Variants in CAD observed in about 807,000 individuals in gnomAD.
CAD encodes the protein multifunctional protein CAD.
In CAD, 81 loss-of-function variants were observed where a neutral mutation model predicts 237.2. That is an observed-to-expected ratio of 0.34 (90% CI 0.29 to 0.41). CAD has a LOEUF of 0.41. Ranked by LOEUF, CAD falls within the 10% of genes least tolerant of loss-of-function variation. The pLI is 1.00. For missense variants in CAD, 2,181 were observed against 2,951.7 expected, an observed-to-expected ratio of 0.74 and a Z score of 6.05; for synonymous variants, 1,196 against 1,162.8, an observed-to-expected ratio of 1.03 and a Z score of -0.58.
At chr2:27,225,303 CTTTTT>C (rs1221617250) in intron 11 of CAD, 60 bp downstream of exon 11, 484 of 540,978 alleles carry the variant, frequency 8.9e-4, no homozygotes, top group East Asian at 1.1e-3. Context: ...GTGTTATTTT[CTTTTT>C]TTTTTTTTTT....
rs1311086865 is a variant in CAD at position 27,225,051 on chromosome 2, T to C, written c.1428T>C (p.Phe476=). 3.1e-6 allele frequency: 5 copies of C among 1,612,628 alleles called. No individual in the cohort carries two copies. The highest frequency in any genetic ancestry group is 4.2e-6 in the Non-Finnish European group (5 of 1,178,880). Residue 476 remains phenylalanine, a synonymous_variant, in exon 11 of 44, where the codon TTT becomes TTC. Transcript: ENST00000264705. ...GCCCCGATGGTGTGTTACTGACTTTTGGGGGCCAGACTGCTCTGAACTGTG... is the reference window on the plus strand; with the variant it reads ...GCCCCGATGGTGTGTTACTGACTTTCGGGGGCCAGACTGCTCTGAACTGTG... ...NERPDGVLLT[F]GGQTALNCGV...
In CAD at chr2:27,224,998, C is replaced by G; in HGVS notation, c.1387-12C>G. On this transcript the variant is annotated splice_polypyrimidine_tract_variant and intron_variant, in intron 10 of 43. Coordinates refer to ENST00000264705, the MANE Select transcript of CAD (RefSeq NM_004341.5). ...AGGTTCTGATGCCTGTAACTCCCCT[C>G]TCCATCCTCAGGTGATACGTAATGA... 6.2e-7 allele frequency: 1 copy of G among 1,607,544 alleles called. No homozygotes were observed. Among genetic ancestry groups the G allele is most frequent in the Non-Finnish European group, 8.5e-7 (1 of 1,174,552 alleles).
At chr2:27,228,427 C>T (rs560482821) in intron 15 of CAD, among the ~76,000 whole-genome samples, 1 of 152,294 alleles carries the variant, frequency 6.6e-6, no homozygotes, top group East Asian at 1.9e-4. Flanking sequence ...TTATCCAAAA[C>T]AGAAAACATC....
In CAD at chr2:27,239,073, C is replaced by T. The variant is rs775749163; in HGVS notation, c.5094C>T (p.Ser1698=). 1 of 1,590,538 alleles carries T rather than the reference C, an allele frequency of 6.3e-7. No homozygotes were observed. Among genetic ancestry groups the T allele is most frequent in the South Asian group, 1.2e-5 (1 of 86,914 alleles). Residue 1698 remains serine (S), a synonymous_variant, in exon 32 of 44, where the codon TCC becomes TCT. Coordinates refer to ENST00000264705, the MANE Select transcript of CAD (RefSeq NM_004341.5). This position sits in a 1 kb window ranked among gnomAD's most constrained non-coding sequence, Gnocchi z 4.0. The part of the protein sequence containing the change: ...APHTLEEKCG[S]RPPPGFPGLE... Reference sequence around the variant, plus strand: ...ATACCTTGGAGGAGAAGTGTGGGTCCAGGCCCCCACCTGGGTTCCCAGGGT... The same window carrying T: ...ATACCTTGGAGGAGAAGTGTGGGTCTAGGCCCCCACCTGGGTTCCCAGGGT...
Position 27,222,325 on chromosome 2 carries a change from G to C in CAD, c.484G>C (p.Val162Leu). 6.2e-7 allele frequency: 1 copy of C among 1,612,308 alleles called. No homozygotes were observed. Among genetic ancestry groups the C allele is most frequent in the East Asian group, 2.2e-5 (1 of 44,806 alleles). The change falls in exon 4 of 44, where the codon GTC becomes CTC. Residue 162 changes from valine (V) to leucine (L), a missense_variant. Around this residue, in one of 12 missense-constraint regions of CAD, gnomAD observed 314 missense variants for 339.4 expected, o/e 0.93. Coordinates refer to ENST00000264705, the MANE Select transcript of CAD (RefSeq NM_004341.5). ...CAATGCCCGCCCCCTGGTACCAGAG[G>C]TCTCCATTAAGGTACAGAGGTAGAG... ...DPNARPLVPE[V>L]SIKTPRVFNT...
Position 27,242,876 on chromosome 2 carries a change from A to C in CAD, c.6383A>C (p.Glu2128Ala), listed in dbSNP as rs1249575821. 5 of 1,614,062 alleles carry C rather than the reference A, an allele frequency of 3.1e-6. No individual in the cohort carries two copies. In the Admixed American group the frequency reaches 8.3e-5, roughly 27 times the overall value. ...ATGGCTCTCCTCACCCTCCAGGAGGAATTCGAGAGCATTGAGGAGGCGCTG... is the reference window on the plus strand; with the variant it reads ...ATGGCTCTCCTCACCCTCCAGGAGGCATTCGAGAGCATTGAGGAGGCGCTG... ...FVASRGTKQE[E>A]FESIEEALPD... The change falls in exon 42 of 44, where the codon GAA becomes GCA. Residue 2128 changes from glutamate (E) to alanine (A), a missense_variant. By Grantham distance (107) the Glu-to-Ala change is moderately radical (BLOSUM62 -1). Coordinates refer to ENST00000264705, the MANE Select transcript of CAD (RefSeq NM_004341.5). This position sits in a 1 kb window ranked among gnomAD's most constrained non-coding sequence, Gnocchi z 6.4.
chr2:27,242,188 C>T lies in CAD; in HGVS notation c.6096+65C>T, dbSNP rs186770583. Reference sequence around the variant, plus strand: ...TGGACCCAGGGGCATGAGAACCCTTCTGCCCACGTTTTCTGTGTTTTGGGC... The same window carrying T: ...TGGACCCAGGGGCATGAGAACCCTTTTGCCCACGTTTTCTGTGTTTTGGGC... On this transcript the variant is annotated intron_variant, in intron 39 of 43. Transcript: ENST00000264705. The surrounding 1 kb of genome is among the most constrained non-coding windows in gnomAD (Gnocchi z 6.4). The T allele has an allele frequency of 3.4e-4, 537 of 1,588,832 alleles. No individual in the cohort carries two copies. The highest frequency in any genetic ancestry group is 1.4e-3 in the Admixed American group (83 of 59,204).
rs1017426075 is a variant in CAD at position 27,237,682 on chromosome 2, G to C, written c.4564-36G>C. The stretch of plus-strand genomic sequence containing the variant: ...GCCAGGCTAGCCTGTGTGGGCATGG[G>C]TGCCAGTGAGCCTTACCTCTGTGTA... On this transcript the variant is annotated intron_variant, in intron 28 of 43. Transcript: ENST00000264705. The surrounding 1 kb of genome is among the most constrained non-coding windows in gnomAD (Gnocchi z 4.0). 5.6e-6 allele frequency: 9 copies of C among 1,594,016 alleles called. No individual in the cohort carries two copies. The highest frequency in any genetic ancestry group is 7.7e-6 in the Non-Finnish European group (9 of 1,168,078).
chr2:27,233,314 G>A lies in CAD; in HGVS notation c.2994G>A (p.Val998=), dbSNP rs1675854429. 2.5e-6 allele frequency: 4 copies of A among 1,613,502 alleles called. No homozygotes were observed. The highest frequency in any genetic ancestry group is 1.3e-5 in the African/African-American group (1 of 74,942). ...TTGTTTCTCCCCCTGCAACGTAGGT[G>A]GTGATGGACATCTATGAGCTCGAGA... The part of the protein sequence containing the change: ...RLYFDEISFE[V]VMDIYELENP... The change falls in exon 20 of 44, where the codon GTG becomes GTA. Residue 998 remains valine (V), a splice_region_variant and synonymous_variant. Coordinates refer to ENST00000264705, the MANE Select transcript of CAD (RefSeq NM_004341.5). This position sits in a 1 kb window ranked among gnomAD's most constrained non-coding sequence, Gnocchi z 6.3.
chr2:27,237,017 ATTTT>A lies in CAD; in HGVS notation c.4396+206_4396+209del, dbSNP rs149723808. Among the ~76,000 whole-genome samples the A allele has an allele frequency of 3.6e-4, 46 of 126,498 alleles. No individual in the cohort carries two copies. The highest frequency in any genetic ancestry group is 1.5e-3 in the African/African-American group (45 of 30,784). The allele number at this position is 126,498 out of a possible 152,430, so 83.0% of individuals were successfully genotyped here. A position where few individuals can be genotyped will look rare whatever the true frequency, so the allele number is the denominator to read the frequency against. On this transcript the variant is annotated intron_variant, in intron 27 of 43. Transcript: ENST00000264705. This position sits in a 1 kb window ranked among gnomAD's most constrained non-coding sequence, Gnocchi z 4.0. ...TGTCCACAGTGGCCTTGTCTGAGGA[ATTTT>A]TTTTTTTTTTTTTTTTTTGAGACAG... is the stretch of plus-strand genomic sequence containing the variant.
chr2:27,231,345 A>G (rs923113145), intron 15 of CAD, 123 bp from the exon 16 acceptor site: 2 of 648,854 alleles, frequency 3.1e-6, no homozygotes, highest in East Asian at 2.7e-5. Context: ...GAATCCCACC[A>G]TCATGTGACT....
In CAD at chr2:27,240,587, G is replaced by C. The variant is rs1484536216; in HGVS notation, c.5593+226G>C. ...GGCAGCTGTGTTCCTCCGCCCAGGA[G>C]CTGGGATCCCACGGGGCAGCAGAGC... On this transcript the variant is annotated intron_variant, in intron 35 of 43. Transcript: ENST00000264705. This position sits in a 1 kb window ranked among gnomAD's most constrained non-coding sequence, Gnocchi z 4.6. The C allele has an allele frequency of 1.3e-6, 2 of 1,545,890 alleles. No homozygotes were observed. Among genetic ancestry groups the C allele is most frequent in the Admixed American group, 3.9e-5 (2 of 50,844 alleles).
At position 27,221,278 on chromosome 2, in the gene CAD, C is replaced by T. The variant is rs368443231; in HGVS notation, c.283C>T (p.Pro95Ser). 4 of 1,593,016 alleles carry T rather than the reference C, an allele frequency of 2.5e-6. No homozygotes were observed. Among genetic ancestry groups the T allele is most frequent in the Non-Finnish European group, 3.4e-6 (4 of 1,169,840 alleles). Residue 95 changes from proline (P) to serine (S), a missense_variant, in exon 3 of 44, where the codon CCC (proline) becomes TCC (serine). Transcript: ENST00000264705. The stretch of plus-strand genomic sequence containing the variant: ...GGTAGTGGGAGAGTGCTGTCCTACT[C>T]CCAGCCACTGGAGTGCCACCCGCAC... ...ALVVGECCPT[P>S]SHWSATRTLH...
Position 27,223,641 on chromosome 2 carries a change from G to T in CAD, c.888G>T (p.Gly296=), listed in dbSNP as rs1423922377. The part of the protein sequence containing the change: ...GRCFLTSQNH[G]FAVETDSLPA... The stretch of plus-strand genomic sequence containing the variant: ...GCTTTCTGACATCCCAGAACCATGG[G>T]TTTGCTGTGGAGACAGACTCACTGC... The change falls in exon 7 of 44, where the codon GGG becomes GGT. Residue 296 remains glycine (G), a synonymous_variant. Transcript: ENST00000264705. The T allele has an allele frequency of 6.2e-6, 10 of 1,614,094 alleles. No individual in the cohort carries two copies. The highest frequency in any genetic ancestry group is 8.5e-6 in the Non-Finnish European group (10 of 1,180,030).
Position 27,224,418 on chromosome 2 carries a change from A to C in CAD, c.1182A>C (p.Arg394=). 1.2e-6 allele frequency: 2 copies of C among 1,614,126 alleles called. No homozygotes were observed. The highest frequency in any genetic ancestry group is 1.7e-6 in the Non-Finnish European group (2 of 1,180,028). ...PTPGSGLPPP[R]KVLILGSGGL... The stretch of plus-strand genomic sequence containing the variant: ...CCGGCTCTGGACTTCCACCACCACG[A>C]AAGGTTCTGATCCTGGGCTCAGGGG... The change falls in exon 9 of 44, where the codon CGA becomes CGC. Residue 394 remains arginine (R), a synonymous_variant. Coordinates refer to ENST00000264705, the MANE Select transcript of CAD (RefSeq NM_004341.5).
At position 27,238,112 on chromosome 2, in the gene CAD, C is replaced by G. The variant is rs765527191; in HGVS notation, c.4785C>G (p.Thr1595=). Residue 1595 remains threonine (T), a synonymous_variant, in exon 30 of 44, where the codon ACC becomes ACG. Coordinates refer to ENST00000264705, the MANE Select transcript of CAD (RefSeq NM_004341.5). ...TTGTGGCTCACGCAGAGCAGCAAAC[C>G]GTGGCTGCTGTCCTCATGGTGGCTC... is the stretch of plus-strand genomic sequence containing the variant. The part of the protein sequence containing the change: ...LPIVAHAEQQ[T]VAAVLMVAQL... 8 of 1,614,150 alleles carry G rather than the reference C, an allele frequency of 5.0e-6. No homozygotes were observed. Among genetic ancestry groups the G allele is most frequent in the East Asian group, 2.2e-5 (1 of 44,892 alleles).
At position 27,242,660 on chromosome 2, in the gene CAD, A is replaced by C. The variant is rs772233685; in HGVS notation, c.6263A>C (p.His2088Pro). The C allele has an allele frequency of 6.2e-7, 1 of 1,612,916 alleles. No individual in the cohort carries two copies. ...VGDLKHGRTV[H>P]SLACLLTQYR... ...GACCTGAAGCACGGACGCACAGTAC[A>C]TTCCCTGGCCTGCCTGCTCACCCAG... The change falls in exon 41 of 44, where the codon CAT becomes CCT. Residue 2088 changes from histidine to proline, a missense_variant. Transcript: ENST00000264705. The surrounding 1 kb of genome is among the most constrained non-coding windows in gnomAD (Gnocchi z 6.4).
Position 27,233,038 on chromosome 2 carries a change from G to A in CAD, c.2893-4G>A. On this transcript the variant is annotated splice_region_variant and splice_polypyrimidine_tract_variant and intron_variant, in intron 18 of 43. Transcript: ENST00000264705. This position sits in a 1 kb window ranked among gnomAD's most constrained non-coding sequence, Gnocchi z 6.3. Reference sequence around the variant, plus strand: ...GCTAAGTACCCTTCCCCTCCCTCTTGCAGATGGGATATAAGACCATCATGG... The same window carrying A: ...GCTAAGTACCCTTCCCCTCCCTCTTACAGATGGGATATAAGACCATCATGG... The A allele has an allele frequency of 6.3e-7, 1 of 1,595,260 alleles. No individual in the cohort carries two copies. Among genetic ancestry groups the A allele is most frequent in the Non-Finnish European group, 8.6e-7 (1 of 1,162,826 alleles).
chr2:27,232,302 G>A lies in CAD; in HGVS notation c.2645+78G>A, dbSNP rs1675799089. ...GTATCAGTGAGGGACCCTTGGGAGG[G>A]AGGAAGGAGAGTGTGGGAGAGCTTT... On this transcript the variant is annotated intron_variant, in intron 17 of 43. Transcript: ENST00000264705. The surrounding 1 kb of genome is among the most constrained non-coding windows in gnomAD (Gnocchi z 4.1). 2 of 1,589,164 alleles carry A rather than the reference G, an allele frequency of 1.3e-6. No homozygotes were observed. The highest frequency in any genetic ancestry group is 3.4e-5 in the Admixed American group (2 of 59,048).
Sources: gnomAD v4.1 joint callset for allele counts (sites outside exome capture counted in the v4.1 genomes callset) on GRCh38, gnomAD v4.1.1 for gene constraint, gnomAD v4.1.1 regional missense constraint, Gnocchi (gnomAD v3.1) non-coding constraint, MANE v1.5 for transcripts, NCBI Gene and HGNC (gene_info 2026-07-23, HGNC 2026-07-21) for gene names.